Variants in CCDC191 observed in about 807,000 individuals in gnomAD.
CCDC191 encodes coiled-coil domain containing 191.
Under a neutral mutation model 114.0 loss-of-function variants are expected in CCDC191, and 99 were observed. That is an observed-to-expected ratio of 0.87 (90% CI 0.74 to 1.03). CCDC191 has a LOEUF of 1.03. Among genes scored for constraint, CCDC191 ranks in the 50% least tolerant of loss-of-function variants. The pLI is 0.00. For missense variants in CCDC191, 973 were observed against 1,087.0 expected (o/e 0.90, Z 1.47); for synonymous variants, 351 against 376.0 (o/e 0.93, Z 0.77).
At chr3:113,984,143 C>T (rs2107619474) in intron 13 of CCDC191, 1 of 152,256 alleles carries the variant, frequency 6.6e-6, no homozygotes, top group East Asian at 1.9e-4. Flanking sequence ...CCTATACACA[C>T]ATAACTGGGC....
chr3:113,972,828 TTA>T (rs1940958010), intron 16 of CCDC191, among the ~76,000 whole-genome samples: 1 of 152,182 alleles, frequency 6.6e-6, no homozygotes, highest in African/African-American at 2.4e-5. Context: ...TTATTTCTCT[TTA>T]TAGTCTTTGA....
Position 113,964,403 on chromosome 3 carries a change from G to A in CCDC191, c.*752C>T. 1 of 152,134 alleles carries A rather than the reference G, an allele frequency of 6.6e-6. No individual in the cohort carries two copies. Among genetic ancestry groups the A allele is most frequent in the Admixed American group, 6.6e-5 (1 of 15,264 alleles). 9.4% of individuals were successfully genotyped at this position (152,134 alleles called of 1,614,324 possible). On this transcript the variant is annotated 3_prime_UTR_variant, in exon 17 of 17. Coordinates refer to ENST00000295878, the MANE Select transcript of CCDC191 (RefSeq NM_020817.2). The stretch of plus-strand genomic sequence containing the variant: ...GAAAACATTCTTTGAATTCAAGATA[G>A]GTATCTCAATATCTAGATCAAACTG...
chr3:114,046,831 C>G (rs530169973), intron 2 of CCDC191, 99 bp from the exon 3 acceptor site: 1 of 1,423,676 alleles, frequency 7.0e-7, no homozygotes, highest in Admixed American at 2.9e-5. Context: ...CTACCACCTA[C>G]TAAGATTCGT....
At position 114,023,113 on chromosome 3, in the gene CCDC191, A is replaced by C. The variant is rs182789338; in HGVS notation, c.973-4245T>G. ...GTGAACTCCCATTCACATTTGCTTCAAAGAGAATAAAATACCTAGGAATCC... is the reference window on the plus strand; with the variant it reads ...GTGAACTCCCATTCACATTTGCTTCCAAGAGAATAAAATACCTAGGAATCC... On this transcript the variant is annotated intron_variant, in intron 7 of 16. Transcript: ENST00000295878. 4.9e-3 allele frequency among the ~76,000 whole-genome samples: 743 copies of C among 152,330 alleles called. 8 individuals are homozygous for C. The highest frequency in any genetic ancestry group is 0.016 in the African/African-American group (671 of 41,568).
chr3:113,968,723 G>A (rs35373479), intron 16 of CCDC191, among the ~76,000 whole-genome samples: 2 of 151,666 alleles, frequency 1.3e-5, no homozygotes, highest in African/African-American at 2.4e-5. Flanking sequence ...GCCTCCCAAA[G>A]TGTTGGGATT....
intron 13 of CCDC191, among the ~76,000 whole-genome samples, chr3:113,985,153 T>C (rs1008043546): frequency 2.6e-5 from 4 of 152,158 alleles, no homozygotes; most frequent in Non-Finnish European, 4.4e-5. Context: ...GCTTTTCTTA[T>C]AAGAACGCTA....
chr3:113,969,400 G>A (rs1392865799), intron 16 of CCDC191, among the ~76,000 whole-genome samples: 5 of 152,128 alleles, frequency 3.3e-5, no homozygotes, highest in African/African-American at 4.8e-5. Flanking sequence ...TGCTTTTGAG[G>A]TCTTACACAA....
intron 14 of CCDC191, 22 bp downstream of exon 14, chr3:113,980,628 G>A: frequency 6.5e-7 from 1 of 1,542,814 alleles, no homozygotes; most frequent in Non-Finnish European, 8.7e-7. Flanking sequence ...CTAATCTGGG[G>A]GATAACAGTG....
chr3:113,999,513 T>C (rs976723323), intron 13 of CCDC191, among the ~76,000 whole-genome samples: 4 of 152,154 alleles, frequency 2.6e-5, no homozygotes, highest in Non-Finnish European at 5.9e-5. Context: ...TGTCCTGTAA[T>C]TAGAGTAAAT....
intron 7 of CCDC191, among the ~76,000 whole-genome samples, chr3:114,027,798 T>C (rs2076346092): frequency 6.6e-6 from 1 of 152,174 alleles, no homozygotes; most frequent in African/African-American, 2.4e-5. Flanking sequence ...CTTCCAGTTA[T>C]CTAGTCACTC....
chr3:114,049,920 G>C (rs532164293), intron 2 of CCDC191, among the ~76,000 whole-genome samples: 89 of 152,294 alleles, frequency 5.8e-4, no homozygotes, highest in Admixed American at 7.2e-4. Flanking sequence ...TTGAAGGCTA[G>C]CTCTGTTCCC....
At chr3:113,989,432 A>T (rs1484134799) in intron 13 of CCDC191, among the ~76,000 whole-genome samples, 3 of 152,194 alleles carry the variant, frequency 2.0e-5, no homozygotes, top group Non-Finnish European at 4.4e-5. Flanking sequence ...AAACTTTACA[A>T]TTTCATGCAA....
intron 8 of CCDC191, among the ~76,000 whole-genome samples, chr3:114,012,448 T>C (rs1036341256): frequency 2.0e-5 from 3 of 152,174 alleles, no homozygotes; most frequent in African/African-American, 7.2e-5. Flanking sequence ...AAGTATAATA[T>C]AGGTGGTAAT....
At chr3:114,055,871 A>C (rs2076767834) in intron 1 of CCDC191, among the ~76,000 whole-genome samples, 1 of 152,226 alleles carries the variant, frequency 6.6e-6, no homozygotes, top group Non-Finnish European at 1.5e-5. Flanking sequence ...TACTATGTGA[A>C]TCAAGTATTA....
chr3:114,031,417 A>G (rs1030286059), intron 7 of CCDC191, among the ~76,000 whole-genome samples: 3 of 152,202 alleles, frequency 2.0e-5, no homozygotes, highest in African/African-American at 4.8e-5. Context: ...GGATCCCACC[A>G]GAGTATACAA....
intron 4 of CCDC191, among the ~76,000 whole-genome samples, chr3:114,040,629 C>G (rs1230279489): frequency 6.6e-6 from 1 of 152,048 alleles, no homozygotes; most frequent in Non-Finnish European, 1.5e-5. Flanking sequence ...TTACTATTTG[C>G]ATGGTATATC....
chr3:113,973,473 A>G (rs1037948403), intron 16 of CCDC191, among the ~76,000 whole-genome samples: 3 of 151,864 alleles, frequency 2.0e-5, no homozygotes, highest in Admixed American at 2.0e-4. Flanking sequence ...TCCCTTTAAC[A>G]TTTCTTGTAA....
rs78716520 is a variant in CCDC191, at chr3:113,984,693, G to A, written c.2164-3900C>T. 4.3e-4 allele frequency: 65 copies of A among 152,336 alleles called. No individual in the cohort carries two copies. In the East Asian group the frequency reaches 0.011, roughly 27 times the overall value. 9.4% of individuals were successfully genotyped at this position (152,336 alleles called of 1,614,324 possible). On this transcript the variant is annotated intron_variant, in intron 13 of 16. Coordinates refer to ENST00000295878, the MANE Select transcript of CCDC191 (RefSeq NM_020817.2). ...ACCTATCTCAATTTAGATAGCTCCA[G>A]TTGACTAATGAAATGGAAACTAGTC...
intron 16 of CCDC191, among the ~76,000 whole-genome samples, chr3:113,966,506 T>G (rs565302478): frequency 6.6e-6 from 1 of 152,228 alleles, no homozygotes; most frequent in East Asian, 1.9e-4. Context: ...TTTTTGAAGA[T>G]GATGTCTGAA....
Sources: allele counts gnomAD v4.1 joint callset (sites outside exome capture counted in the v4.1 genomes callset), GRCh38; gene constraint gnomAD v4.1.1; transcripts MANE v1.5; gene names NCBI Gene and HGNC (gene_info 2026-07-23, HGNC 2026-07-21).